Variants in SNX16 observed in about 807,000 individuals in gnomAD.
SNX16 encodes sorting nexin 16, also known as sorting nexin-16.
Under a neutral mutation model 36.7 loss-of-function variants are expected in SNX16, and 35 were observed. The ratio of observed to expected loss-of-function variants is 0.95; its 90% CI spans 0.73 to 1.27. The LOEUF (loss-of-function observed/expected upper bound fraction) is 1.27, where lower values mean the gene tolerates loss of function less well. Among genes scored for constraint, SNX16 ranks in the 50% most tolerant of loss-of-function variants. The pLI is 0.00. For missense variants in SNX16, 367 were observed against 393.6 expected (o/e 0.93, Z 0.57); for synonymous variants, 134 against 132.0 (o/e 1.02, Z -0.10).
intron 2 of SNX16, among the ~76,000 whole-genome samples, chr8:81,838,323 A>G (rs922446157): frequency 6.6e-6 from 1 of 152,168 alleles, no homozygotes. Context: ...CAAAATCTCA[A>G]TGCAAAGGGT....
rs542242063 is a variant in SNX16, at chr8:81,832,540, C to A, written c.376-3024G>T. On this transcript the variant is annotated intron_variant, in intron 2 of 7. Coordinates refer to ENST00000345957, the MANE Select transcript of SNX16 (RefSeq NM_152836.3). The stretch of plus-strand genomic sequence containing the variant: ...AAACCTGCACATGTATCCTTTGAAT[C>A]TAAAATGAAAGTTGAAATTATTGTA... Among the ~76,000 whole-genome samples the A allele has an allele frequency of 3.9e-5, 6 of 152,028 alleles. No homozygotes were observed. In the South Asian group the frequency reaches 1.2e-3, roughly 32 times the overall value.
chr8:81,811,555 G>C (rs1810252332), intron 5 of SNX16, among the ~76,000 whole-genome samples: 1 of 151,910 alleles, frequency 6.6e-6, no homozygotes, highest in Admixed American at 6.6e-5. Context: ...ATACAAGAAA[G>C]CCAGGCTTAA....
At chr8:81,818,801 C>G (rs960708052) in intron 4 of SNX16, among the ~76,000 whole-genome samples, 3 of 152,054 alleles carry the variant, frequency 2.0e-5, no homozygotes, top group Admixed American at 2.0e-4. Flanking sequence ...CTTGCTGAAT[C>G]AGGGTCAGCA....
chr8:81,830,249 A>G (rs1388115746), intron 2 of SNX16, among the ~76,000 whole-genome samples: 2 of 152,156 alleles, frequency 1.3e-5, no homozygotes, highest in East Asian at 3.9e-4. Flanking sequence ...AAAGATCTCT[A>G]CAGGGAGAAC....
chr8:81,837,808 T>C (rs1220339653), intron 2 of SNX16, among the ~76,000 whole-genome samples: 2 of 152,168 alleles, frequency 1.3e-5, no homozygotes, highest in Non-Finnish European at 2.9e-5. Flanking sequence ...GCCATCAGTT[T>C]ATATTTTCTA....
chr8:81,806,850 T>TTAGAATG (rs1008897871), intron 5 of SNX16, among the ~76,000 whole-genome samples: 1 of 151,864 alleles, frequency 6.6e-6, no homozygotes, highest in African/African-American at 2.4e-5. Context: ...AACTAGTAAC[T>TTAGAATG]TAGAATGTAA....
intron 3 of SNX16, 61 bp from the exon 4 acceptor site, chr8:81,824,001 T>A: frequency 1.4e-6 from 2 of 1,437,910 alleles, no homozygotes; most frequent in Non-Finnish European, 1.9e-6. Context: ...TTCTACAAAA[T>A]CTATCCTGTT....
chr8:81,801,469 C>T lies in SNX16; in HGVS notation c.*28G>A, dbSNP rs1809682496. ...CCACTCTTCTAAATTTTTGAATAGTCTAAATGGAGGGAACTGCTTGTGATA... is the reference window on the plus strand; with the variant it reads ...CCACTCTTCTAAATTTTTGAATAGTTTAAATGGAGGGAACTGCTTGTGATA... On this transcript the variant is annotated 3_prime_UTR_variant, in exon 8 of 8. Coordinates refer to ENST00000345957, the MANE Select transcript of SNX16 (RefSeq NM_152836.3). The T allele has an allele frequency of 7.2e-7, 1 of 1,390,672 alleles. No individual in the cohort carries two copies. Among genetic ancestry groups the T allele is most frequent in the Non-Finnish European group, 1.0e-6 (1 of 1,004,894 alleles). 86.1% of individuals were successfully genotyped at this position (1,390,672 alleles called of 1,614,324 possible). A position where few individuals can be genotyped will look rare whatever the true frequency, so the allele number is the denominator to read the frequency against.
chr8:81,822,964 A>ATATATATATGTATATG (rs1554546268), intron 4 of SNX16, among the ~76,000 whole-genome samples: 1,533 of 126,994 alleles, frequency 0.012, 44 homozygotes, highest in African/African-American at 0.039. Flanking sequence ...ATATATATAT[A>ATATATATATGTATATG]TATATATATA....
chr8:81,815,656 G>C (rs1810449175), intron 4 of SNX16: 1 of 301,270 alleles, frequency 3.3e-6, no homozygotes, highest in Non-Finnish European at 6.4e-6. Flanking sequence ...AATGGTTCAA[G>C]AGACCAACAT....
intron 7 of SNX16, 83 bp downstream of exon 7, chr8:81,802,297 T>C: frequency 1.8e-6 from 2 of 1,088,674 alleles, no homozygotes; most frequent in Non-Finnish European, 2.5e-6. Flanking sequence ...ACTGAGTTCA[T>C]AAAAAAATAC....
chr8:81,838,979 G>A (rs1811616336), intron 2 of SNX16, among the ~76,000 whole-genome samples: 1 of 151,830 alleles, frequency 6.6e-6, no homozygotes, highest in Non-Finnish European at 1.5e-5. Context: ...TATCCAAACA[G>A]CCCAAAAAAA....
At chr8:81,834,014 A>G (rs1020031143) in intron 2 of SNX16, among the ~76,000 whole-genome samples, 1 of 152,210 alleles carries the variant, frequency 6.6e-6, no homozygotes, top group Non-Finnish European at 1.5e-5. Context: ...GAACACACCT[A>G]AAGTACTATG....
In SNX16 at chr8:81,802,422, G is replaced by C. The variant is rs1809742429; in HGVS notation, c.896C>G (p.Ser299Cys). 6.2e-7 allele frequency: 1 copy of C among 1,610,204 alleles called. No individual in the cohort carries two copies. Among genetic ancestry groups the C allele is most frequent in the Non-Finnish European group, 8.5e-7 (1 of 1,177,560 alleles). Residue 299 changes from serine to cysteine, a missense_variant, in exon 7 of 8, where the codon TCT (serine) becomes TGT (cysteine). Physicochemically the swap from Ser to Cys is moderately radical, Grantham distance 112. Coordinates refer to ENST00000345957, the MANE Select transcript of SNX16 (RefSeq NM_152836.3). ...EGEQILKVES[S>C]ALEVDQDVLD... ...GACATCTTGATCAACCTCAAGTGCA[G>C]AGGACTCCACCTTTAGGATCTGTTC... is the stretch of plus-strand genomic sequence containing the variant.
At chr8:81,830,987 A>C (rs1328363496) in intron 2 of SNX16, among the ~76,000 whole-genome samples, 3 of 152,256 alleles carry the variant, frequency 2.0e-5, no homozygotes, top group Non-Finnish European at 4.4e-5. Context: ...CTGTTCTCTG[A>C]CAAAGTTGAC....
intron 5 of SNX16, chr8:81,808,313 G>C: frequency 8.1e-7 from 1 of 1,231,206 alleles, no homozygotes; most frequent in Non-Finnish European, 1.2e-6. Flanking sequence ...AGGAAGACCT[G>C]TCAAAGCAAG....
chr8:81,829,165 C>CAT (rs1009803767), intron 3 of SNX16, among the ~76,000 whole-genome samples: 22 of 149,200 alleles, frequency 1.5e-4, no homozygotes, highest in Non-Finnish European at 2.8e-4. Context: ...ATCTTATAGA[C>CAT]ATATATAATT....
intron 5 of SNX16, chr8:81,808,542 G>A (rs2130615686): frequency 1.0e-6 from 1 of 995,090 alleles, no homozygotes; most frequent in Non-Finnish European, 1.6e-6. Flanking sequence ...TGGAGGTGGT[G>A]GAAGCTACAA....
At chr8:81,804,382 C>T (rs779496889) in intron 5 of SNX16, among the ~76,000 whole-genome samples, 7 of 151,928 alleles carry the variant, frequency 4.6e-5, no homozygotes, top group Non-Finnish European at 1.0e-4. Context: ...GAAACATTGA[C>T]TGTGTGAAAT....
Sources: gnomAD v4.1 joint callset for allele counts (sites outside exome capture counted in the v4.1 genomes callset) on GRCh38, gnomAD v4.1.1 for gene constraint, MANE v1.5 for transcripts, NCBI Gene and HGNC (gene_info 2026-07-23, HGNC 2026-07-21) for gene names.